Variants in ABCB11 observed in about 807,000 individuals in gnomAD.
ABCB11 encodes ATP binding cassette subfamily B member 11.
Under a neutral mutation model 148.0 loss-of-function variants are expected in ABCB11, and 95 were observed. That is an observed-to-expected ratio of 0.64 (90% CI 0.54 to 0.76). The LOEUF (loss-of-function observed/expected upper bound fraction) is 0.76. ABCB11 is among the 30% of genes least tolerant of loss of function. The pLI is 0.00. For synonymous variants in ABCB11, 591 were observed against 555.4 expected (o/e 1.06, Z -0.90); for missense variants, 1,523 against 1,617.8 (o/e 0.94, Z 1.01).
At chr2:168,978,447 T>A (rs533659632) in intron 11 of ABCB11, among the ~76,000 whole-genome samples, 1 of 152,138 alleles carries the variant, frequency 6.6e-6, no homozygotes, top group African/African-American at 2.4e-5. Context: ...TCAATGAACA[T>A]TTTTATGTGG....
At chr2:168,974,758 C>A (rs1693742495) in intron 12 of ABCB11, among the ~76,000 whole-genome samples, 1 of 151,792 alleles carries the variant, frequency 6.6e-6, no homozygotes, top group African/African-American at 2.4e-5. Context: ...TTACTCTCCA[C>A]CATTGTAATA....
At chr2:169,026,133 C>A (rs1343924343) in intron 1 of ABCB11, among the ~76,000 whole-genome samples, 2 of 152,188 alleles carry the variant, frequency 1.3e-5, no homozygotes, top group Non-Finnish European at 1.5e-5. Flanking sequence ...CTCAAAGTAA[C>A]TTTGAGGTTG....
chr2:169,027,134 C>T (rs536944630), intron 1 of ABCB11, among the ~76,000 whole-genome samples: 1 of 152,300 alleles, frequency 6.6e-6, no homozygotes, highest in East Asian at 1.9e-4. Context: ...TTACTGTGCA[C>T]TTTAACATAT....
rs551509268 is a variant in ABCB11, at chr2:169,025,198, T to G, written c.-28+6027A>C. 2.0e-5 allele frequency among the ~76,000 whole-genome samples: 3 copies of G among 152,334 alleles called. No homozygotes were observed. The East Asian group carries it at 5.8e-4, about 29-fold the overall frequency. On this transcript the variant is annotated intron_variant, in intron 1 of 27. Transcript: ENST00000650372. ...TTAAAAAGATTTCTTTCCACTGGTGTGCAAATACCTCGTAGTATTTAGAGG... is the reference window on the plus strand; with the variant it reads ...TTAAAAAGATTTCTTTCCACTGGTGGGCAAATACCTCGTAGTATTTAGAGG...
chr2:168,971,732 T>C (rs1290726993), intron 14 of ABCB11, 115 bp downstream of exon 14: 3 of 987,382 alleles, frequency 3.0e-6, no homozygotes, highest in Non-Finnish European at 4.6e-6. Context: ...AACTAAAACA[T>C]GGCTTAAGAA....
At position 168,964,146 on chromosome 2, in the gene ABCB11, A is replaced by G. The variant is rs899960526; in HGVS notation, c.2178+60T>C. 49 of 1,280,660 alleles carry G rather than the reference A, an allele frequency of 3.8e-5. No homozygotes were observed. The Admixed American group carries it at 7.7e-4, about 20-fold the overall frequency. The allele number at this position is 1,280,660 out of a possible 1,614,324, so 79.3% of individuals were successfully genotyped here. ...ACTCATATTCTCAGGCTTAAAGGGT[A>G]CCCAACAGTCCCCAGGAGAGACTTC... is the stretch of plus-strand genomic sequence containing the variant. On this transcript the variant is annotated intron_variant, in intron 18 of 27. Coordinates refer to ENST00000650372, the MANE Select transcript of ABCB11 (RefSeq NM_003742.4).
chr2:168,942,799 T>C (rs1347406076), intron 21 of ABCB11, among the ~76,000 whole-genome samples: 4 of 151,864 alleles, frequency 2.6e-5, no homozygotes, highest in Non-Finnish European at 4.4e-5. Flanking sequence ...AGGTTTTAAA[T>C]AGAATAAGTC....
rs1252249337 is a variant in ABCB11 at position 168,923,955 on chromosome 2, G to A, written c.3766-133C>T. ...GCAAACCCAAAGGCTCAACATAAGA[G>A]AGGATTAAGCAAGTATTCCCTGAAT... On this transcript the variant is annotated intron_variant, in intron 27 of 27. Transcript: ENST00000650372. 3 of 788,880 alleles carry A rather than the reference G, an allele frequency of 3.8e-6. No individual in the cohort carries two copies. In the Admixed American group the frequency reaches 7.0e-5, roughly 18 times the overall value. The allele number at this position is 788,880 out of a possible 1,614,324, so 48.9% of individuals were successfully genotyped here.
At chr2:168,982,578 T>C (rs1389189084) in intron 10 of ABCB11, among the ~76,000 whole-genome samples, 1 of 152,168 alleles carries the variant, frequency 6.6e-6, no homozygotes, top group Non-Finnish European at 1.5e-5. Flanking sequence ...CAAGTGATAC[T>C]AATTACAGTC....
intron 6 of ABCB11, among the ~76,000 whole-genome samples, chr2:168,995,784 T>C (rs1384202934): frequency 6.6e-6 from 1 of 151,842 alleles, no homozygotes; most frequent in East Asian, 1.9e-4. Flanking sequence ...GAAAGAAGGC[T>C]CACAGCACCA....
At chr2:169,027,930 G>GA (rs999890942) in intron 1 of ABCB11, among the ~76,000 whole-genome samples, 6 of 152,110 alleles carry the variant, frequency 3.9e-5, no homozygotes, top group Non-Finnish European at 7.4e-5. Flanking sequence ...TCAGGGTTGA[G>GA]AAAAGGTGTC....
At chr2:168,979,751 C>T (rs749197682) in intron 11 of ABCB11, 115 bp downstream of exon 11, 26 of 480,968 alleles carry the variant, frequency 5.4e-5, no homozygotes, top group Non-Finnish European at 8.3e-5. Flanking sequence ...GAATTAAGGG[C>T]CTTGCGATAG....
Position 168,944,775 on chromosome 2 carries a change from T to G in ABCB11, c.2449-9A>C, listed in dbSNP as rs376959410. The G allele has an allele frequency of 3.4e-5, 55 of 1,611,306 alleles. No individual in the cohort carries two copies. The African/African-American group carries it at 6.4e-4, about 19-fold the overall frequency. The stretch of plus-strand genomic sequence containing the variant: ...TTAGCAAAGGCATATCCCTAAAACA[T>G]GAAGAGGGAGATGTTAGAGAAATTT... On this transcript the variant is annotated splice_polypyrimidine_tract_variant and intron_variant, in intron 20 of 27. Coordinates refer to ENST00000650372, the MANE Select transcript of ABCB11 (RefSeq NM_003742.4).
chr2:168,971,045 A>C (rs1693558457), intron 14 of ABCB11, among the ~76,000 whole-genome samples: 1 of 152,038 alleles, frequency 6.6e-6, no homozygotes, highest in Non-Finnish European at 1.5e-5. Flanking sequence ...GAAGGCTGAA[A>C]GGGAAGTGTT....
rs61689174 is a variant in ABCB11 at position 168,935,566 on chromosome 2, C to T, written c.2815-141G>A. 6,504 of 1,199,062 alleles carry T rather than the reference C, an allele frequency of 5.4e-3. 252 individuals are homozygous for T. In the African/African-American group the frequency reaches 0.09, roughly 17 times the overall value. The allele number at this position is 1,199,062 out of a possible 1,614,324, so 74.3% of individuals were successfully genotyped here. ...AATGCATCATCTGGGAATACAAAGA[C>T]GTGGCTGGAGATCAACCCAACTGGA... is the stretch of plus-strand genomic sequence containing the variant. On this transcript the variant is annotated intron_variant, in intron 22 of 27. Transcript: ENST00000650372.
downstream of ABCB11, among the ~76,000 whole-genome samples, chr2:168,918,547 A>G (rs1690988613): frequency 6.6e-6 from 1 of 152,256 alleles, no homozygotes; most frequent in Non-Finnish European, 1.5e-5. Flanking sequence ...TTTGATGATC[A>G]GAAATGGTTT....
intron 9 of ABCB11, among the ~76,000 whole-genome samples, chr2:168,986,505 G>T (rs1349538622): frequency 6.6e-6 from 1 of 152,078 alleles, no homozygotes; most frequent in Non-Finnish European, 1.5e-5. Flanking sequence ...TAACAGAGCT[G>T]CCTGATTGCT....
At chr2:168,926,585 C>T (rs1158876916) in intron 26 of ABCB11, among the ~76,000 whole-genome samples, 2 of 152,252 alleles carry the variant, frequency 1.3e-5, no homozygotes, top group East Asian at 3.9e-4. Context: ...ACAAAAATAG[C>T]ATCCATTGCA....
chr2:168,917,838 G>C (rs115245100), downstream of ABCB11, among the ~76,000 whole-genome samples: 91 of 152,282 alleles, frequency 6.0e-4, no homozygotes, highest in African/African-American at 2.2e-3. Flanking sequence ...GTAGCCACTA[G>C]TGGCTCTTGA....
Sources: allele counts gnomAD v4.1 joint callset (sites outside exome capture counted in the v4.1 genomes callset), GRCh38; gene constraint gnomAD v4.1.1; transcripts MANE v1.5; gene names NCBI Gene and HGNC (gene_info 2026-07-23, HGNC 2026-07-21).